Variants in MEF2A observed in about 807,000 individuals in gnomAD.
The protein encoded by MEF2A is myocyte enhancer factor 2A.
A neutral mutation model predicts 55.8 loss-of-function variants in MEF2A; 28 were observed. The ratio of observed to expected loss-of-function variants is 0.50; its 90% confidence interval spans 0.37 to 0.69. The LOEUF is 0.69. MEF2A is among the 30% of genes least tolerant of loss of function. MEF2A has a pLI of 0.00. For synonymous variants in MEF2A, 239 were observed against 227.1 expected (o/e 1.05, Z -0.47); for missense variants, 528 against 626.2 (o/e 0.84, Z 1.67).
chr15:99,635,507 T>C (rs1215592321), intron 3 of MEF2A, among the ~76,000 whole-genome samples: 1 of 152,136 alleles, frequency 6.6e-6, no homozygotes, highest in Non-Finnish European at 1.5e-5. Flanking sequence ...CCTAAGAGTG[T>C]GGTTCAGTGA....
chr15:99,638,249 A>T (rs2044239704), intron 3 of MEF2A, among the ~76,000 whole-genome samples: 1 of 151,816 alleles, frequency 6.6e-6, no homozygotes, highest in Non-Finnish European at 1.5e-5. Flanking sequence ...CCAGCTTTTG[A>T]TCTTAAAAAA....
intron 1 of MEF2A, among the ~76,000 whole-genome samples, chr15:99,591,893 T>C (rs1167765094): frequency 2.6e-5 from 4 of 152,208 alleles, no homozygotes; most frequent in African/African-American, 9.6e-5. Context: ...ATTTATAATA[T>C]TTTGAAGTTT....
intron 2 of MEF2A, among the ~76,000 whole-genome samples, chr15:99,610,369 A>G (rs888619905): frequency 1.3e-5 from 2 of 149,546 alleles, no homozygotes; most frequent in Non-Finnish European, 3.0e-5. Context: ...ATTAATCAAC[A>G]TATTTAACAC....
chr15:99,570,606 C>T (rs1490022361), intron 1 of MEF2A, among the ~76,000 whole-genome samples: 3 of 152,122 alleles, frequency 2.0e-5, no homozygotes, highest in Non-Finnish European at 2.9e-5. Context: ...TGATTTGTGA[C>T]ACTTGGAACA....
At chr15:99,671,829 T>C (rs1260089411) in intron 5 of MEF2A, among the ~76,000 whole-genome samples, 1 of 152,230 alleles carries the variant, frequency 6.6e-6, no homozygotes, top group African/African-American at 2.4e-5. Context: ...ATCTTATACA[T>C]GTTCAGTATC....
chr15:99,616,004 A>G lies in MEF2A; in HGVS notation c.-142-16974A>G, dbSNP rs545788050. 5.9e-5 allele frequency among the ~76,000 whole-genome samples: 9 copies of G among 152,238 alleles called. No homozygotes were observed. In the South Asian group the frequency reaches 1.9e-3, roughly 32 times the overall value. ...TGTGTTATACTACTTAAAAATAAAA[A>G]CTGTGTTGACTTAAAAATAAGAAAA... On this transcript the variant is annotated intron_variant, in intron 2 of 11. Coordinates refer to ENST00000557942, the MANE Select transcript of MEF2A (RefSeq NM_001319206.4).
intron 3 of MEF2A, among the ~76,000 whole-genome samples, chr15:99,645,121 A>G (rs2045739131): frequency 6.6e-6 from 1 of 152,200 alleles, no homozygotes; most frequent in Non-Finnish European, 1.5e-5. Flanking sequence ...TTCAGTGGGT[A>G]CAATAGAGAA....
chr15:99,661,674 C>T (rs919103918), intron 4 of MEF2A, among the ~76,000 whole-genome samples: 2 of 151,540 alleles, frequency 1.3e-5, no homozygotes, highest in Admixed American at 6.6e-5. Flanking sequence ...AAATTAAATC[C>T]CACAGGTAGG....
intron 1 of MEF2A, among the ~76,000 whole-genome samples, chr15:99,594,315 A>G (rs914446759): frequency 3.3e-5 from 5 of 152,190 alleles, no homozygotes; most frequent in African/African-American, 1.2e-4. Flanking sequence ...AAGGATATAG[A>G]TGAATGACCA....
intron 5 of MEF2A, among the ~76,000 whole-genome samples, chr15:99,673,067 T>C (rs2051191225): frequency 6.6e-6 from 1 of 152,192 alleles, no homozygotes; most frequent in Non-Finnish European, 1.5e-5. Flanking sequence ...ACTGGAACGG[T>C]CCTTTTCCCC....
At position 99,625,360 on chromosome 15, in the gene MEF2A, G is replaced by A. The variant is rs144070960; in HGVS notation, c.-142-7618G>A. Among the ~76,000 whole-genome samples, 10 of 152,222 alleles carry A rather than the reference G, an allele frequency of 6.6e-5. No individual in the cohort carries two copies. In the East Asian group the frequency reaches 1.7e-3, roughly 26 times the overall value. On this transcript the variant is annotated intron_variant, in intron 2 of 11. Transcript: ENST00000557942. ...TGTAGAATCTTTAAGAGTTTTCTAC[G>A]TGTAAGATCATGCTTGCTCATGAAA...
At chr15:99,654,424 G>A (rs2047348819) in intron 4 of MEF2A, among the ~76,000 whole-genome samples, 2 of 151,970 alleles carry the variant, frequency 1.3e-5, no homozygotes, top group Non-Finnish European at 1.5e-5. Context: ...TTAAAATAAT[G>A]TATGTGAAAG....
intron 7 of MEF2A, among the ~76,000 whole-genome samples, chr15:99,682,100 T>C (rs1348308592): frequency 6.6e-6 from 1 of 152,224 alleles, no homozygotes; most frequent in Non-Finnish European, 1.5e-5. Flanking sequence ...TAGTGAAATA[T>C]TAGTGACATC....
chr15:99,627,940 A>C (rs2042305920), intron 2 of MEF2A, among the ~76,000 whole-genome samples: 1 of 152,222 alleles, frequency 6.6e-6, no homozygotes, highest in Admixed American at 6.5e-5. Flanking sequence ...AATTTACTAT[A>C]AAAGGGGATT....
intron 1 of MEF2A, among the ~76,000 whole-genome samples, 151 bp from the exon 2 acceptor site, chr15:99,598,279 A>G (rs1172405055): frequency 2.6e-5 from 4 of 152,222 alleles, no homozygotes; most frequent in Non-Finnish European, 1.5e-5. Flanking sequence ...TTCCAAATAA[A>G]TGACTTTTTA....
At chr15:99,653,846 T>C (rs538924019) in intron 4 of MEF2A, among the ~76,000 whole-genome samples, 1 of 152,300 alleles carries the variant, frequency 6.6e-6, no homozygotes, top group South Asian at 2.1e-4. Flanking sequence ...GCTTTGTTTT[T>C]ATATAAATTT....
intron 4 of MEF2A, among the ~76,000 whole-genome samples, chr15:99,649,240 A>G (rs2153503600): frequency 6.6e-6 from 1 of 152,292 alleles, no homozygotes; most frequent in South Asian, 2.1e-4. Context: ...CCCCTACATT[A>G]AGAAAGCTGA....
chr15:99,602,605 G>GT (rs996258403), intron 2 of MEF2A, among the ~76,000 whole-genome samples: 4 of 150,836 alleles, frequency 2.7e-5, no homozygotes, highest in African/African-American at 7.3e-5. Flanking sequence ...TAGAGAGACA[G>GT]TTTAACAACT....
intron 7 of MEF2A, 141 bp from the exon 8 acceptor site, chr15:99,690,100 T>G: frequency 1.3e-6 from 1 of 755,408 alleles, no homozygotes; most frequent in East Asian, 2.7e-5. Flanking sequence ...TCCCAAGCAT[T>G]TCGGACAAGG....
Sources: gnomAD v4.1 joint callset for allele counts (sites outside exome capture counted in the v4.1 genomes callset) on GRCh38, gnomAD v4.1.1 for gene constraint, MANE v1.5 for transcripts, NCBI Gene and HGNC (gene_info 2026-07-23, HGNC 2026-07-21) for gene names.